The following CRTAM variants were observed in gnomAD, a reference collection of about 807,000 sequenced individuals.
The protein encoded by CRTAM is cytotoxic and regulatory T cell molecule.
A neutral mutation model predicts 50.0 loss-of-function variants in CRTAM; 44 were observed. The observed-to-expected ratio is 0.88, with a 90% CI of 0.69 to 1.13. CRTAM has a LOEUF of 1.13. Among genes scored for constraint, CRTAM ranks in the 50% most tolerant of loss-of-function variants. The probability of loss-of-function intolerance (pLI) is 0.00; values close to 1 mark genes in which losing one functional copy is unlikely to be tolerated. For missense variants in CRTAM, 448 were observed against 457.5 expected, an observed-to-expected ratio of 0.98 and a Z score of 0.19; for synonymous variants, 159 against 169.3, an observed-to-expected ratio of 0.94 and a Z score of 0.47.
chr11:122,854,784 T>G (rs1268772162), intron 4 of CRTAM, among the ~76,000 whole-genome samples: 1 of 152,076 alleles, frequency 6.6e-6, no homozygotes, highest in African/African-American at 2.4e-5. Flanking sequence ...CTATATTGTA[T>G]AGTACTATAT....
Position 122,854,046 on chromosome 11 carries a change from G to T in CRTAM, c.450G>T (p.Pro150=). 2 of 1,613,986 alleles carry T rather than the reference G, an allele frequency of 1.2e-6. No individual in the cohort carries two copies. The highest frequency in any genetic ancestry group is 8.5e-7 in the Non-Finnish European group (1 of 1,179,942). Residue 150 remains proline, a synonymous_variant, in exon 4 of 10, where the codon CCG becomes CCT. Transcript: ENST00000227348. ...CCACCATGAGAAGCAAGCCCCCTCC[G>T]CAGATAACCTGGCTACTTGGGAATA... ...MCSTMRSKPP[P]QITWLLGNSM...
At chr11:122,852,524 A>G (rs1168166457) in intron 3 of CRTAM, among the ~76,000 whole-genome samples, 1 of 152,200 alleles carries the variant, frequency 6.6e-6, no homozygotes, top group Non-Finnish European at 1.5e-5. Flanking sequence ...CATCTCACAT[A>G]TCACACAAAT....
rs1157095076 is a variant in CRTAM, at chr11:122,853,953, CAAGCCAATCCTGG to C, written c.362_374del (p.Pro121LeufsTer20). On this transcript the variant is annotated frameshift_variant, in exon 4 of 10. Coordinates refer to ENST00000227348, the MANE Select transcript of CRTAM (RefSeq NM_019604.4). LOFTEE classifies it high-confidence loss of function. ...TCCATTTTGTTCTAGCAACTCCTTT[CAAGCCAATCCTGG>C]AAGCTTCAGTTATCAGAAAGCAAAA... 3 of 1,613,718 alleles carry C rather than the reference CAAGCCAATCCTGG, an allele frequency of 1.9e-6. No homozygotes were observed. The African/African-American group carries it at 4.0e-5, about 22-fold the overall frequency.
rs751854056 is a variant in CRTAM, at chr11:122,862,546, T to G, written c.733+2T>G. ...ACCCACAGCAGCCCACCAGTACTGG[T>G]AAGTGTCAAAATCATTCAAACTTGT... On this transcript the variant is annotated splice_donor_variant, in intron 6 of 9. Transcript: ENST00000227348. LOFTEE classifies it high-confidence loss of function. 6 of 1,563,240 alleles carry G rather than the reference T, an allele frequency of 3.8e-6. No individual in the cohort carries two copies. The South Asian group carries it at 6.8e-5, about 18-fold the overall frequency.
chr11:122,854,817 A>T (rs1861983884), intron 4 of CRTAM, among the ~76,000 whole-genome samples: 3 of 152,196 alleles, frequency 2.0e-5, no homozygotes, highest in Admixed American at 2.0e-4. Flanking sequence ...ACAAGAACAG[A>T]TTAAAAATAT....
chr11:122,842,857 G>C (rs1197515170), intron 1 of CRTAM, among the ~76,000 whole-genome samples: 2 of 152,168 alleles, frequency 1.3e-5, no homozygotes, highest in African/African-American at 2.4e-5. Context: ...TGGCATATCT[G>C]TGTTAGACAT....
chr11:122,845,747 T>C (rs1489939878), intron 1 of CRTAM, among the ~76,000 whole-genome samples: 1 of 151,896 alleles, frequency 6.6e-6, no homozygotes, highest in Non-Finnish European at 1.5e-5. Flanking sequence ...TAGGGTAGAA[T>C]AGGGTAGTAT....
intron 7 of CRTAM, 133 bp from the exon 8 acceptor site, chr11:122,867,276 C>G (rs1377157156): frequency 2.8e-6 from 2 of 723,260 alleles, no homozygotes; most frequent in Non-Finnish European, 4.4e-6. Flanking sequence ...CAGGGGTAAG[C>G]TCTTTCTCAT....
chr11:122,848,939 T>C (rs765460328), intron 1 of CRTAM, among the ~76,000 whole-genome samples: 1 of 152,222 alleles, frequency 6.6e-6, no homozygotes, highest in African/African-American at 2.4e-5. Flanking sequence ...TTATTTTTCA[T>C]CAATTTCTTT....
chr11:122,853,995 A>G lies in CRTAM; in HGVS notation c.399A>G (p.Gly133=), dbSNP rs765557913. The change falls in exon 4 of 10, where the codon GGA becomes GGG. Residue 133 remains glycine (G), a synonymous_variant. Transcript: ENST00000227348. ...LEASVIRKQN[G]EEHVVLMCST... is the part of the protein sequence containing the mutation. The stretch of plus-strand genomic sequence containing the variant: ...CTTCAGTTATCAGAAAGCAAAATGG[A>G]GAAGAACATGTTGTACTCATGTGCT... 5.0e-6 allele frequency: 8 copies of G among 1,613,976 alleles called. No individual in the cohort carries two copies. The highest frequency in any genetic ancestry group is 5.9e-6 in the Non-Finnish European group (7 of 1,179,996).
At chr11:122,853,505 CTG>C (rs1343872768) in intron 3 of CRTAM, among the ~76,000 whole-genome samples, 4 of 152,026 alleles carry the variant, frequency 2.6e-5, no homozygotes, top group Non-Finnish European at 4.4e-5. Context: ...TTTAACATGA[CTG>C]TATTCTGGAA....
In CRTAM at chr11:122,851,684, C is replaced by A. The variant is rs1400270636; in HGVS notation, c.194-9C>A. 8.1e-6 allele frequency: 13 copies of A among 1,613,728 alleles called. No homozygotes were observed. The highest frequency in any genetic ancestry group is 1.1e-5 in the Non-Finnish European group (13 of 1,179,740). Reference sequence around the variant, plus strand: ...TTCCTCATAACAGCTCTATTTCCCTCTTGTACAGCTTTAAAAAATTCCAAA... The same window carrying A: ...TTCCTCATAACAGCTCTATTTCCCTATTGTACAGCTTTAAAAAATTCCAAA... On this transcript the variant is annotated splice_polypyrimidine_tract_variant and intron_variant, in intron 2 of 9. Coordinates refer to ENST00000227348, the MANE Select transcript of CRTAM (RefSeq NM_019604.4).
At chr11:122,863,456 T>G (rs546404787) in intron 6 of CRTAM, among the ~76,000 whole-genome samples, 2 of 152,326 alleles carry the variant, frequency 1.3e-5, no homozygotes, top group Non-Finnish European at 2.9e-5. Flanking sequence ...CATATTCTCT[T>G]TCCATTTCAT....
intron 1 of CRTAM, among the ~76,000 whole-genome samples, chr11:122,839,853 T>G (rs1879884): frequency 0.54 from 81,673 of 152,026 alleles, 22,291 homozygotes; most frequent in Admixed American, 0.63. Flanking sequence ...ATTTCCTATT[T>G]TACATAGTAC....
chr11:122,860,189 A>G (rs949610624), intron 5 of CRTAM, among the ~76,000 whole-genome samples: 6 of 152,088 alleles, frequency 3.9e-5, no homozygotes, highest in South Asian at 2.1e-4. Flanking sequence ...CTGGGATTAT[A>G]GGTGCCCACC....
chr11:122,852,724 G>A (rs1861947813), intron 3 of CRTAM, among the ~76,000 whole-genome samples: 1 of 152,042 alleles, frequency 6.6e-6, no homozygotes, highest in African/African-American at 2.4e-5. Flanking sequence ...GCCCTTCTGG[G>A]CTCTCATAAC....
intron 9 of CRTAM, among the ~76,000 whole-genome samples, 174 bp downstream of exon 9, chr11:122,868,273 G>T (rs1214495335): frequency 1.3e-5 from 2 of 150,054 alleles, no homozygotes; most frequent in Non-Finnish European, 3.0e-5. Flanking sequence ...TGGCTCATGA[G>T]ATTATGGAGG....
chr11:122,866,271 C>A (rs1475612327), intron 7 of CRTAM, among the ~76,000 whole-genome samples: 1 of 152,148 alleles, frequency 6.6e-6, no homozygotes, highest in Non-Finnish European at 1.5e-5. Flanking sequence ...TCTCACCTCT[C>A]CTTACTCCCT....
intron 7 of CRTAM, among the ~76,000 whole-genome samples, chr11:122,865,098 G>T (rs1293964577): frequency 6.6e-6 from 1 of 151,922 alleles, no homozygotes; most frequent in African/African-American, 2.4e-5. Context: ...GTGCAGTGGT[G>T]CAATCCCAGC....
Sources: allele counts gnomAD v4.1 joint callset (sites outside exome capture counted in the v4.1 genomes callset), GRCh38; gene constraint gnomAD v4.1.1; transcripts MANE v1.5; gene names NCBI Gene and HGNC (gene_info 2026-07-23, HGNC 2026-07-21).